Variants in PRKCB observed in about 807,000 individuals in gnomAD.
PRKCB encodes protein kinase C beta.
Under a neutral mutation model 81.5 loss-of-function variants are expected in PRKCB, and 13 were observed. The observed-to-expected ratio is 0.16, with a 90% CI of 0.10 to 0.25. The LOEUF (loss-of-function observed/expected upper bound fraction) is 0.25. PRKCB is among the 10% of genes least tolerant of loss of function. PRKCB has a pLI of 1.00. For missense variants in PRKCB, 509 were observed against 875.7 expected, an observed-to-expected ratio of 0.58 and a Z score of 5.29; for synonymous variants, 335 against 321.4, an observed-to-expected ratio of 1.04 and a Z score of -0.45.
At chr16:24,042,090 G>T (rs1278269822) in intron 5 of PRKCB, among the ~76,000 whole-genome samples, 1 of 151,944 alleles carries the variant, frequency 6.6e-6, no homozygotes, top group Non-Finnish European at 1.5e-5. Flanking sequence ...TTTGAACTTT[G>T]GTGGGGGGGT....
chr16:24,091,288 T>C (rs775689010), intron 5 of PRKCB, among the ~76,000 whole-genome samples: 1 of 152,208 alleles, frequency 6.6e-6, no homozygotes, highest in Non-Finnish European at 1.5e-5. Flanking sequence ...ATATTGAAAA[T>C]AGATTTCCTA....
chr16:23,968,484 C>G (rs941182023), intron 2 of PRKCB, among the ~76,000 whole-genome samples: 2 of 152,094 alleles, frequency 1.3e-5, no homozygotes, highest in Non-Finnish European at 2.9e-5. Context: ...GAACCATGGT[C>G]CTGGAGGGAT....
intron 10 of PRKCB, among the ~76,000 whole-genome samples, chr16:24,156,434 C>A (rs1211074905): frequency 1.3e-5 from 2 of 152,052 alleles, no homozygotes; most frequent in Admixed American, 1.3e-4. Flanking sequence ...ACCACCACGC[C>A]CAGCTAATTT....
intron 7 of PRKCB, chr16:24,098,558 T>A: frequency 6.6e-6 from 1 of 152,226 alleles, no homozygotes; most frequent in Admixed American, 6.5e-5. Context: ...GAGACGAGCC[T>A]GGCCAACATA....
At chr16:24,095,077 C>T (rs541755932) in intron 7 of PRKCB, among the ~76,000 whole-genome samples, 1 of 152,282 alleles carries the variant, frequency 6.6e-6, no homozygotes, top group East Asian at 1.9e-4. Flanking sequence ...TCACCGTCCT[C>T]ACCACTCCCT....
At chr16:24,076,251 T>G (rs896826668) in intron 5 of PRKCB, among the ~76,000 whole-genome samples, 3 of 152,106 alleles carry the variant, frequency 2.0e-5, no homozygotes, top group Non-Finnish European at 4.4e-5. Context: ...TTAAGCCCAA[T>G]TGGGATTTGG....
chr16:23,903,002 TTTCC>T (rs1963507002), intron 2 of PRKCB, among the ~76,000 whole-genome samples: 1 of 148,418 alleles, frequency 6.7e-6, no homozygotes, highest in African/African-American at 2.5e-5. Flanking sequence ...TTTTTTTTTT[TTTCC>T]TTTTTCTGTA....
At chr16:23,951,658 T>C (rs1423657912) in intron 2 of PRKCB, among the ~76,000 whole-genome samples, 1 of 147,468 alleles carries the variant, frequency 6.8e-6, no homozygotes, top group East Asian at 2.0e-4. Context: ...GATCAACTCA[T>C]CCTCCCAACT....
At chr16:23,871,808 C>T (rs1315578563) in intron 2 of PRKCB, among the ~76,000 whole-genome samples, 1 of 151,322 alleles carries the variant, frequency 6.6e-6, no homozygotes, top group Non-Finnish European at 1.5e-5. Flanking sequence ...GAACTCCTGA[C>T]CTCAGGCAAT....
chr16:24,020,046 A>G (rs1005134142), intron 3 of PRKCB, among the ~76,000 whole-genome samples: 5 of 152,248 alleles, frequency 3.3e-5, no homozygotes, highest in African/African-American at 1.2e-4. Context: ...TTACAAAAGC[A>G]TTTGTACTTT....
intron 3 of PRKCB, among the ~76,000 whole-genome samples, chr16:23,990,195 A>G (rs1964865304): frequency 6.6e-6 from 1 of 152,118 alleles, no homozygotes; most frequent in Non-Finnish European, 1.5e-5. Flanking sequence ...ACGGTGGCTC[A>G]CGCCTGTAAT....
At chr16:24,101,609 C>T (rs981526494) in intron 7 of PRKCB, among the ~76,000 whole-genome samples, 13 of 152,258 alleles carry the variant, frequency 8.5e-5, no homozygotes, top group African/African-American at 3.1e-4. Context: ...CCATAGTTAG[C>T]TTGGCCTAGG....
intron 8 of PRKCB, among the ~76,000 whole-genome samples, chr16:24,122,829 T>C (rs192769794): frequency 1.3e-5 from 2 of 152,278 alleles, no homozygotes; most frequent in African/African-American, 4.8e-5. Flanking sequence ...TCCTGGCAGC[T>C]GCAGGTCTCC....
chr16:24,165,100 G>A (rs1967322565), intron 10 of PRKCB, among the ~76,000 whole-genome samples: 2 of 152,130 alleles, frequency 1.3e-5, no homozygotes. Context: ...GAGTGCAATG[G>A]TGCAATCACT....
chr16:24,137,925 A>G (rs1966870563), intron 9 of PRKCB, among the ~76,000 whole-genome samples: 1 of 152,146 alleles, frequency 6.6e-6, no homozygotes, highest in Non-Finnish European at 1.5e-5. Flanking sequence ...TACTGACCTC[A>G]TTGAACACCA....
chr16:24,096,664 A>ATATAT (rs1260873156), intron 7 of PRKCB, among the ~76,000 whole-genome samples: 436 of 84,500 alleles, frequency 5.2e-3, no homozygotes, highest in Non-Finnish European at 6.4e-3. Context: ...AAAAAAAAAA[A>ATATAT]AAATATATAT....
At chr16:23,937,519 G>T (rs1020182793) in intron 2 of PRKCB, among the ~76,000 whole-genome samples, 6 of 152,190 alleles carry the variant, frequency 3.9e-5, no homozygotes, top group Non-Finnish European at 8.8e-5. Flanking sequence ...AGAATAGGAG[G>T]AACAGGGTCA....
intron 3 of PRKCB, among the ~76,000 whole-genome samples, chr16:24,024,765 G>A (rs554403942): frequency 3.3e-5 from 5 of 152,314 alleles, no homozygotes; most frequent in African/African-American, 9.6e-5. Flanking sequence ...GAATGTGGAT[G>A]TCTCAAAGTA....
chr16:23,948,123 G>T (rs1476270820), intron 2 of PRKCB, among the ~76,000 whole-genome samples: 1 of 152,152 alleles, frequency 6.6e-6, no homozygotes, highest in Non-Finnish European at 1.5e-5. Context: ...CCAGACTGCA[G>T]AGTCAGCTAT....
Sources: gnomAD v4.1 joint callset for allele counts (sites outside exome capture counted in the v4.1 genomes callset) on GRCh38, gnomAD v4.1.1 for gene constraint, MANE v1.5 for transcripts, NCBI Gene and HGNC (gene_info 2026-07-23, HGNC 2026-07-21) for gene names.